Variants in HSPBAP1 observed in about 807,000 individuals in gnomAD.
HSPBAP1 encodes the protein HSPB1 associated protein 1.
Under a neutral mutation model 45.2 loss-of-function variants are expected in HSPBAP1, and 27 were observed. The ratio of observed to expected loss-of-function variants is 0.60; its 90% CI spans 0.44 to 0.82. The LOEUF (loss-of-function observed/expected upper bound fraction) is 0.82, where lower values mean the gene tolerates loss of function less well. HSPBAP1 is among the 40% of genes least tolerant of loss of function. HSPBAP1 has a pLI of 0.00. For missense variants in HSPBAP1, 510 were observed against 590.9 expected, an observed-to-expected ratio of 0.86 and a Z score of 1.42; for synonymous variants, 204 against 202.7, an observed-to-expected ratio of 1.01 and a Z score of -0.06.
chr3:122,792,457 C>T (rs967862044), intron 1 of HSPBAP1, among the ~76,000 whole-genome samples: 15 of 152,112 alleles, frequency 9.9e-5, no homozygotes, highest in Middle Eastern at 3.2e-3. Flanking sequence ...CAAGAATTGT[C>T]TCCCTGGTAG....
intron 6 of HSPBAP1, among the ~76,000 whole-genome samples, chr3:122,742,982 C>T (rs1253038333): frequency 2.6e-5 from 4 of 152,136 alleles, no homozygotes; most frequent in African/African-American, 7.2e-5. Flanking sequence ...TATACTCATA[C>T]GAATGGGATT....
intron 1 of HSPBAP1, among the ~76,000 whole-genome samples, chr3:122,785,779 G>A (rs1225213967): frequency 6.6e-6 from 1 of 151,990 alleles, no homozygotes; most frequent in Non-Finnish European, 1.5e-5. Context: ...AGAACTTTGG[G>A]CAACAGGACT....
At chr3:122,791,488 C>T (rs1311195288) in intron 1 of HSPBAP1, among the ~76,000 whole-genome samples, 1 of 152,210 alleles carries the variant, frequency 6.6e-6, no homozygotes, top group East Asian at 1.9e-4. Flanking sequence ...CAGCTGGGCA[C>T]ATGGTAGAGA....
chr3:122,753,221 G>T, intron 5 of HSPBAP1: 1 of 220,498 alleles, frequency 4.5e-6, no homozygotes. Context: ...TTTGAACCCG[G>T]GCTAGGAGAG....
At chr3:122,782,829 A>T (rs185855106) in intron 1 of HSPBAP1, among the ~76,000 whole-genome samples, 1,697 of 152,348 alleles carry the variant, frequency 0.011, 27 homozygotes, top group Non-Finnish European at 0.012. Context: ...GGAAGGAATC[A>T]TCAAAGAACT....
chr3:122,745,346 T>C (rs560114916), intron 6 of HSPBAP1, among the ~76,000 whole-genome samples: 1 of 152,228 alleles, frequency 6.6e-6, no homozygotes, highest in Non-Finnish European at 1.5e-5. Flanking sequence ...ACACTAATAA[T>C]ATCCAGTTAG....
intron 6 of HSPBAP1, among the ~76,000 whole-genome samples, chr3:122,750,098 C>T (rs1934074791): frequency 6.6e-6 from 1 of 151,636 alleles, no homozygotes. Flanking sequence ...CCTCAGCCTC[C>T]CGAATAGCCG....
intron 1 of HSPBAP1, among the ~76,000 whole-genome samples, chr3:122,788,792 G>C (rs879449629): frequency 6.6e-6 from 1 of 152,210 alleles, no homozygotes; most frequent in African/African-American, 2.4e-5. Flanking sequence ...GGGACTGGGG[G>C]AAGAGGAGAA....
intron 2 of HSPBAP1, among the ~76,000 whole-genome samples, chr3:122,772,516 C>A: frequency 6.6e-6 from 1 of 151,872 alleles, no homozygotes. Context: ...AGGTGATTTC[C>A]AAAGTCAGTA....
chr3:122,773,564 C>G (rs1553755297), intron 2 of HSPBAP1, among the ~76,000 whole-genome samples: 1 of 152,004 alleles, frequency 6.6e-6, no homozygotes. Flanking sequence ...AATCCGCCCA[C>G]CTTGGCCCCC....
intron 5 of HSPBAP1, 155 bp downstream of exon 5, chr3:122,755,104 AC>A (rs2107508225): frequency 8.1e-7 from 1 of 1,227,180 alleles, no homozygotes; most frequent in East Asian, 3.2e-5. Context: ...TCTGAAGCCT[AC>A]AACTGGGGAA....
At chr3:122,780,987 T>C (rs1224860632) in intron 1 of HSPBAP1, among the ~76,000 whole-genome samples, 1 of 140,024 alleles carries the variant, frequency 7.1e-6, no homozygotes, top group South Asian at 2.4e-4. Context: ...CCTCACTTCC[T>C]AGATGTGATG....
chr3:122,757,015 G>C (rs1934378731), intron 4 of HSPBAP1, among the ~76,000 whole-genome samples: 1 of 152,124 alleles, frequency 6.6e-6, no homozygotes, highest in South Asian at 2.1e-4. Context: ...TTCAGAGCTA[G>C]GTCACAGATC....
At chr3:122,754,902 A>G (rs1934288902) in intron 5 of HSPBAP1, 2 of 1,003,326 alleles carry the variant, frequency 2.0e-6, no homozygotes, top group Admixed American at 6.0e-5. Context: ...ATAATTGAAC[A>G]GATACTAACT....
rs374765914 is a variant in HSPBAP1 at position 122,768,747 on chromosome 3, T to G, written c.386A>C (p.Tyr129Ser). The change falls in exon 3 of 8, where the codon TAT becomes TCT. Residue 129 changes from tyrosine (Y) to serine (S), a missense_variant. Tyr to Ser is a moderately radical substitution (Grantham distance 144, BLOSUM62 -2). Transcript: ENST00000306103. ...DHSKFWAYADYKYFVSLFEDK... is the reference protein window; with the variant it reads ...DHSKFWAYADSKYFVSLFEDK... ...TTCAAATAGACTGACAAAATATTTA[T>G]AGTCAGCATAAGCCCAGAACTTGGA... 1.3e-4 allele frequency: 209 copies of G among 1,612,908 alleles called. No individual in the cohort carries two copies. The highest frequency in any genetic ancestry group is 1.7e-4 in the Non-Finnish European group (204 of 1,178,954).
At chr3:122,752,336 C>T (rs539836885) in intron 6 of HSPBAP1, among the ~76,000 whole-genome samples, 5 of 152,256 alleles carry the variant, frequency 3.3e-5, no homozygotes, top group African/African-American at 1.2e-4. Context: ...AGGGAAAGGA[C>T]CCTGCATGCC....
chr3:122,743,480 T>C (rs538037517), intron 6 of HSPBAP1, among the ~76,000 whole-genome samples: 14 of 152,216 alleles, frequency 9.2e-5, no homozygotes, highest in African/African-American at 3.1e-4. Flanking sequence ...GCAGGAGAAT[T>C]GCCTGAACCT....
chr3:122,769,027 C>T, intron 2 of HSPBAP1, 145 bp from the exon 3 acceptor site: 1 of 602,402 alleles, frequency 1.7e-6, no homozygotes, highest in Admixed American at 3.0e-5. Context: ...TGTGGTGGTG[C>T]ATGCCTGTAA....
intron 3 of HSPBAP1, among the ~76,000 whole-genome samples, chr3:122,766,143 GACATTAA>G (rs1293555639): frequency 9.9e-5 from 15 of 152,110 alleles, no homozygotes; most frequent in African/African-American, 3.1e-4. Flanking sequence ...TCCCTCTAAT[GACATTAA>G]ACATTTTTTG....
Sources: allele counts gnomAD v4.1 joint callset (sites outside exome capture counted in the v4.1 genomes callset), GRCh38; gene constraint gnomAD v4.1.1; transcripts MANE v1.5; gene names NCBI Gene and HGNC (gene_info 2026-07-23, HGNC 2026-07-21).